NIPAL2: variants seen among roughly 807,000 people sequenced by gnomAD.
NIPAL2 encodes the protein NIPA like domain containing 2.
In NIPAL2, 43 loss-of-function variants were observed where a neutral mutation model predicts 48.9. That is an observed-to-expected ratio of 0.88 (90% CI 0.69 to 1.13). NIPAL2 has a LOEUF of 1.13. NIPAL2 is among the 50% of genes most tolerant of loss of function. The pLI is 0.00. For missense variants in NIPAL2, 446 were observed against 461.4 expected (o/e 0.97, Z 0.31); for synonymous variants, 167 against 174.6 (o/e 0.96, Z 0.34).
chr8:98,224,746 C>CT (rs1385010596), intron 4 of NIPAL2, among the ~76,000 whole-genome samples: 13 of 119,322 alleles, frequency 1.1e-4, no homozygotes, highest in African/African-American at 2.4e-4. Context: ...TACTTTCTTT[C>CT]TTTCTTTTCT....
At chr8:98,200,940 G>A (rs897094486) in intron 8 of NIPAL2, among the ~76,000 whole-genome samples, 4 of 152,100 alleles carry the variant, frequency 2.6e-5, no homozygotes, top group Non-Finnish European at 5.9e-5. Flanking sequence ...ATCTATTCAA[G>A]TTCTTTTCCC....
intron 3 of NIPAL2, among the ~76,000 whole-genome samples, chr8:98,250,851 G>C (rs1480880708): frequency 6.6e-6 from 1 of 152,110 alleles, no homozygotes; most frequent in African/African-American, 2.4e-5. Context: ...TCTTGCCAAG[G>C]TGGGCAGACT....
chr8:98,289,297 A>G (rs973635171), intron 1 of NIPAL2, among the ~76,000 whole-genome samples: 1 of 152,214 alleles, frequency 6.6e-6, no homozygotes. Context: ...GATTGCATCA[A>G]TGCGAATATT....
intron 1 of NIPAL2, among the ~76,000 whole-genome samples, chr8:98,254,778 C>T (rs1388015454): frequency 6.6e-6 from 1 of 152,238 alleles, no homozygotes; most frequent in African/African-American, 2.4e-5. Context: ...TGTGCTTCCT[C>T]TATCTCAGGT....
intron 6 of NIPAL2, 76 bp from the exon 7 acceptor site, chr8:98,205,322 T>C (rs866754302): frequency 1.5e-6 from 2 of 1,313,108 alleles, no homozygotes; most frequent in Middle Eastern, 5.2e-4. Flanking sequence ...GCTTATGTAG[T>C]AGAGTAGCAA....
At chr8:98,268,549 A>G (rs549521236) in intron 1 of NIPAL2, among the ~76,000 whole-genome samples, 25 of 151,414 alleles carry the variant, frequency 1.7e-4, no homozygotes, top group Admixed American at 4.6e-4. Flanking sequence ...TGAACCCGAG[A>G]GGTGGAGGTT....
chr8:98,248,961 G>A (rs1813431505), intron 3 of NIPAL2, among the ~76,000 whole-genome samples: 1 of 152,204 alleles, frequency 6.6e-6, no homozygotes, highest in Admixed American at 6.5e-5. Flanking sequence ...GTGAAGCATA[G>A]ACGGGTTATT....
chr8:98,200,173 A>G (rs565512408), intron 8 of NIPAL2, among the ~76,000 whole-genome samples: 19 of 152,298 alleles, frequency 1.2e-4, no homozygotes, highest in Non-Finnish European at 2.5e-4. Flanking sequence ...AAAATTTACC[A>G]TCTCGATCTT....
At chr8:98,211,733 A>AGTGCGTGTGT (rs1811327834) in intron 6 of NIPAL2, among the ~76,000 whole-genome samples, 1 of 109,104 alleles carries the variant, frequency 9.2e-6, no homozygotes, top group Non-Finnish European at 1.8e-5. Context: ...AGAGAGAGAA[A>AGTGCGTGTGT]GTGTGTGTGT....
At chr8:98,208,068 A>C (rs532432814) in intron 6 of NIPAL2, among the ~76,000 whole-genome samples, 14 of 152,318 alleles carry the variant, frequency 9.2e-5, no homozygotes, top group Middle Eastern at 3.4e-3. Context: ...AGGCTTGTGA[A>C]ATATACTAGC....
At chr8:98,225,256 A>G (rs897996099) in intron 4 of NIPAL2, among the ~76,000 whole-genome samples, 1 of 152,168 alleles carries the variant, frequency 6.6e-6, no homozygotes, top group Non-Finnish European at 1.5e-5. Context: ...ATTTGGTGTC[A>G]TTTATATTTA....
intron 8 of NIPAL2, among the ~76,000 whole-genome samples, chr8:98,202,278 G>A (rs1246023357): frequency 6.6e-6 from 1 of 152,218 alleles, no homozygotes; most frequent in Non-Finnish European, 1.5e-5. Flanking sequence ...GATCGAGCTG[G>A]TGAGGGGCAT....
chr8:98,234,275 C>A (rs1812598373), intron 4 of NIPAL2, among the ~76,000 whole-genome samples: 1 of 152,120 alleles, frequency 6.6e-6, no homozygotes, highest in South Asian at 2.1e-4. Context: ...ATTTATGAAT[C>A]TATATTATCA....
intron 1 of NIPAL2, among the ~76,000 whole-genome samples, chr8:98,273,146 G>A (rs1163926089): frequency 2.6e-5 from 4 of 152,160 alleles, no homozygotes; most frequent in Admixed American, 2.6e-4. Context: ...ATAAACAAAT[G>A]TGATACATTT....
intron 1 of NIPAL2, among the ~76,000 whole-genome samples, chr8:98,276,792 T>C (rs77573833): frequency 6.6e-6 from 1 of 151,906 alleles, no homozygotes. Flanking sequence ...CTTTTTTTTT[T>C]GAGACAGTCT....
intron 1 of NIPAL2, among the ~76,000 whole-genome samples, chr8:98,262,839 C>T (rs1312230685): frequency 4.1e-4 from 63 of 152,148 alleles, no homozygotes; most frequent in Middle Eastern, 6.8e-3. Context: ...TTTTCAGCAC[C>T]GCACCACACC....
At chr8:98,207,436 G>A (rs1210146424) in intron 6 of NIPAL2, among the ~76,000 whole-genome samples, 1 of 152,144 alleles carries the variant, frequency 6.6e-6, no homozygotes, top group East Asian at 1.9e-4. Flanking sequence ...ATGAGGATAG[G>A]TGGAAATACA....
chr8:98,278,279 A>G (rs1360904692), intron 1 of NIPAL2, among the ~76,000 whole-genome samples: 2 of 152,108 alleles, frequency 1.3e-5, no homozygotes, highest in East Asian at 1.9e-4. Context: ...GTTTCTGTAT[A>G]TGTGATTTAG....
At chr8:98,245,772 A>T (rs543673746) in intron 3 of NIPAL2, among the ~76,000 whole-genome samples, 1 of 152,364 alleles carries the variant, frequency 6.6e-6, no homozygotes, top group South Asian at 2.1e-4. Context: ...TTTCAAATAA[A>T]GTGTTTAGGC....
Sources: allele counts gnomAD v4.1 joint callset (sites outside exome capture counted in the v4.1 genomes callset), GRCh38; gene constraint gnomAD v4.1.1; transcripts MANE v1.5; gene names NCBI Gene and HGNC (gene_info 2026-07-23, HGNC 2026-07-21).